RALGDS: variants seen among roughly 807,000 people sequenced by gnomAD.
RALGDS encodes the protein ral guanine nucleotide dissociation stimulator.
A neutral mutation model predicts 99.8 loss-of-function variants in RALGDS; 44 were observed. The observed-to-expected ratio is 0.44, with a 90% CI of 0.35 to 0.57. The LOEUF is 0.57. Among genes scored for constraint, RALGDS ranks in the 20% least tolerant of loss-of-function variants. The pLI, the probability that RALGDS is intolerant of heterozygous loss-of-function variation, is 0.01. For missense variants in RALGDS, 1,022 were observed against 1,203.1 expected (o/e 0.85, Z 2.23); for synonymous variants, 529 against 505.0 (o/e 1.05, Z -0.64).
Position 133,098,213 on chromosome 9 carries a change from G to A in RALGDS, c.*374C>T. 1 of 404,460 alleles carries A rather than the reference G, an allele frequency of 2.5e-6. No individual in the cohort carries two copies. Among genetic ancestry groups the A allele is most frequent in the Admixed American group, 4.1e-5 (1 of 24,554 alleles). 25.1% of individuals were successfully genotyped at this position (404,460 alleles called of 1,614,324 possible). On this transcript the variant is annotated 3_prime_UTR_variant, in exon 18 of 18. Transcript: ENST00000372050. ...ATGAGAGAACTGCAGTGGTCACAGT[G>A]GGTGCTCTGGGGTGCCCATGGGCAC...
chr9:133,142,525 AG>A (rs1357396646), intron 1 of RALGDS, among the ~76,000 whole-genome samples: 2 of 151,998 alleles, frequency 1.3e-5, no homozygotes, highest in Admixed American at 6.5e-5. Flanking sequence ...TGTCATTCTT[AG>A]GGGGATGCCA....
chr9:133,106,146 A>G, intron 8 of RALGDS, 130 bp from the exon 9 acceptor site: 2 of 721,272 alleles, frequency 2.8e-6, no homozygotes, highest in Non-Finnish European at 4.9e-6. Flanking sequence ...ACCCCAGAGC[A>G]CTAACGCTCT....
chr9:133,132,893 T>G (rs914556264), upstream of RALGDS, among the ~76,000 whole-genome samples: 5 of 151,966 alleles, frequency 3.3e-5, no homozygotes, highest in Non-Finnish European at 7.4e-5. Context: ...CGCCTTGGCC[T>G]CCCAAAATGC....
chr9:133,141,727 A>G (rs138884115), intron 1 of RALGDS, among the ~76,000 whole-genome samples: 1 of 152,368 alleles, frequency 6.6e-6, no homozygotes, highest in Non-Finnish European at 1.5e-5. Flanking sequence ...AGTAGGTGAC[A>G]TAATTCACAG....
At chr9:133,145,161 C>A (rs764918585) in intron 1 of RALGDS, among the ~76,000 whole-genome samples, 8 of 152,222 alleles carry the variant, frequency 5.3e-5, no homozygotes, top group Non-Finnish European at 1.2e-4. Context: ...GAATACATTT[C>A]TGTTGTGTTG....
rs376605206 is a variant in RALGDS at position 133,103,815 on chromosome 9, C to T, written c.1690G>A (p.Val564Ile). The change falls in exon 11 of 18, where the codon GTT becomes ATT. Residue 564 changes from valine to isoleucine, a missense_variant. Physicochemically the swap from Val to Ile is conservative, Grantham distance 29. This residue lies in a region of RALGDS where 825 missense variants were observed against 994.5 expected (regional missense o/e 0.83). Transcript: ENST00000372050. ...GTGAGGAACGTGCCCAGGTAGGGAA[C>T]GGTGCCCTGGATGATGCCCTGTGAC... ...PKETGIIQGT[V>I]PYLGTFLTDL... is the part of the protein sequence containing the mutation. The T allele has an allele frequency of 3.4e-5, 55 of 1,613,068 alleles. No individual in the cohort carries two copies. The highest frequency in any genetic ancestry group is 1.2e-4 in the African/African-American group (9 of 74,882).
At chr9:133,131,557 C>T (rs1423251820), upstream of RALGDS, among the ~76,000 whole-genome samples, 1 of 152,086 alleles carries the variant, frequency 6.6e-6, no homozygotes, top group East Asian at 1.9e-4. Flanking sequence ...GCAGCCTTCT[C>T]CAACACCCCT....
In RALGDS at chr9:133,144,331, G is replaced by A. The variant is rs1287670373; in HGVS notation, c.18+4632C>T. On this transcript the variant is annotated intron_variant, in intron 1 of 17. Transcript: ENST00000393160. This position sits in a 1 kb window ranked among gnomAD's most constrained non-coding sequence, Gnocchi z 4.5. ...TCCCTGCCTTCCTTTCCGCCCCGCT[G>A]ACACCACGGTCTGCAAACCATGGTC... 6.6e-6 allele frequency among the ~76,000 whole-genome samples: 1 copy of A among 152,038 alleles called. No individual in the cohort carries two copies. Among genetic ancestry groups the A allele is most frequent in the African/African-American group, 2.4e-5 (1 of 41,388 alleles).
chr9:133,102,756 C>G, intron 13 of RALGDS, 23 bp downstream of exon 13: 1 of 1,608,554 alleles, frequency 6.2e-7, no homozygotes, highest in Non-Finnish European at 8.5e-7. Flanking sequence ...CCCCACTGTC[C>G]CCATTTGCTG....
intron 1 of RALGDS, among the ~76,000 whole-genome samples, chr9:133,140,864 G>C (rs1485082585): frequency 6.6e-6 from 1 of 151,978 alleles, no homozygotes; most frequent in Non-Finnish European, 1.5e-5. Flanking sequence ...ACGCACCTTG[G>C]GCTGTGGGCC....
intron 11 of RALGDS, 55 bp from the exon 12 acceptor site, chr9:133,103,317 C>T: frequency 6.2e-7 from 1 of 1,605,208 alleles, no homozygotes; most frequent in South Asian, 1.1e-5. Context: ...CCATTACAGT[C>T]TCCCCACCTC....
At chr9:133,113,924 G>GAGCCC (rs889704377) in intron 1 of RALGDS, among the ~76,000 whole-genome samples, 4 of 152,248 alleles carry the variant, frequency 2.6e-5, no homozygotes, top group Admixed American at 2.6e-4. Flanking sequence ...AACCCTGGGG[G>GAGCCC]AGCCCAGCAC....
intron 7 of RALGDS, among the ~76,000 whole-genome samples, 162 bp downstream of exon 7, chr9:133,106,923 G>A (rs1831092316): frequency 6.6e-6 from 1 of 151,976 alleles, no homozygotes; most frequent in South Asian, 2.1e-4. Flanking sequence ...CAAGGAAAGA[G>A]TGTAAGGAAG....
chr9:133,131,163 A>G (rs908723527), upstream of RALGDS: 32 of 1,407,370 alleles, frequency 2.3e-5, no homozygotes, highest in African/African-American at 4.0e-4. Context: ...TGAGCATCTC[A>G]CATCCTCTTC....
At chr9:133,130,744 C>T (rs1832311585) in intron 1 of RALGDS, among the ~76,000 whole-genome samples, 1 of 152,184 alleles carries the variant, frequency 6.6e-6, no homozygotes, top group South Asian at 2.1e-4. Context: ...ATCCAACACA[C>T]CCGTCTGACA....
At chr9:133,126,701 G>A (rs1258758355) in intron 1 of RALGDS, among the ~76,000 whole-genome samples, 1 of 152,230 alleles carries the variant, frequency 6.6e-6, no homozygotes, top group Non-Finnish European at 1.5e-5. Context: ...AAGCAGAGGA[G>A]GAAGAGACGG....
chr9:133,102,459 C>G lies in RALGDS; in HGVS notation c.2009+17G>C, dbSNP rs376637066. 3.7e-6 allele frequency: 6 copies of G among 1,612,172 alleles called. No individual in the cohort carries two copies. The African/African-American group carries it at 6.7e-5, about 18-fold the overall frequency. On this transcript the variant is annotated intron_variant, in intron 14 of 17. Transcript: ENST00000372050. ...CCCCAAGGCAGCTGCCCCTACCACC[C>G]TTGGCCAGGCCCTTACTCGCTCCAG...
chr9:133,107,081 A>G lies in RALGDS; in HGVS notation c.1413+4T>C, dbSNP rs1831102867. The G allele has an allele frequency of 1.4e-5, 22 of 1,613,320 alleles. No individual in the cohort carries two copies. Among genetic ancestry groups the G allele is most frequent in the Non-Finnish European group, 1.9e-5 (22 of 1,179,996 alleles). On this transcript the variant is annotated splice_donor_region_variant and intron_variant, in intron 7 of 17. Coordinates refer to ENST00000372050, the MANE Select transcript of RALGDS (RefSeq NM_006266.4). ...TGGGGGCCCAGGCCCCTCCTCTGGC[A>G]TACCCTGGCCACCTCGATCCAGTGC...
intron 1 of RALGDS, among the ~76,000 whole-genome samples, chr9:133,148,060 C>G (rs1032819287): frequency 6.6e-6 from 1 of 152,174 alleles, no homozygotes; most frequent in African/African-American, 2.4e-5. Flanking sequence ...TCAGCCCCCC[C>G]GGCTTCTCTT....
Sources: allele counts gnomAD v4.1 joint callset (sites outside exome capture counted in the v4.1 genomes callset), GRCh38; gene constraint gnomAD v4.1.1; regional missense constraint gnomAD v4.1.1; non-coding constraint Gnocchi (gnomAD v3.1); transcripts MANE v1.5; gene names NCBI Gene and HGNC (gene_info 2026-07-23, HGNC 2026-07-21).